Variants in SIPA1L1 observed in about 807,000 individuals in gnomAD.
SIPA1L1 encodes the protein signal-induced proliferation-associated 1-like protein 1.
A neutral mutation model predicts 162.7 loss-of-function variants in SIPA1L1; 26 were observed. The ratio of observed to expected loss-of-function variants is 0.16; its 90% CI spans 0.12 to 0.22. The LOEUF (loss-of-function observed/expected upper bound fraction) is 0.22, where lower values mean the gene tolerates loss of function less well. Among genes scored for constraint, SIPA1L1 ranks in the 10% least tolerant of loss-of-function variants. SIPA1L1 has a pLI of 1.00. For synonymous variants in SIPA1L1, 829 were observed against 837.4 expected (o/e 0.99, Z 0.17); for missense variants, 1,874 against 2,241.0 (o/e 0.84, Z 3.31).
chr14:71,582,268 A>G (rs2034035908), intron 4 of SIPA1L1, among the ~76,000 whole-genome samples: 1 of 152,096 alleles, frequency 6.6e-6, no homozygotes, highest in Admixed American at 6.6e-5. Flanking sequence ...CTGGGAGTTC[A>G]AGGCTGCAGT....
intron 13 of SIPA1L1, among the ~76,000 whole-genome samples, chr14:71,690,622 T>C (rs2081188828): frequency 6.6e-6 from 1 of 150,462 alleles, no homozygotes; most frequent in Admixed American, 6.6e-5. Context: ...ACTCCCTCCT[T>C]CTTCAAATTA....
At chr14:71,458,571 A>G (rs1488024329) in intron 2 of SIPA1L1, among the ~76,000 whole-genome samples, 1 of 152,202 alleles carries the variant, frequency 6.6e-6, no homozygotes, top group Non-Finnish European at 1.5e-5. Context: ...TTTATCAGGT[A>G]GAGATATTAT....
chr14:71,658,777 TTCATC>T, intron 9 of SIPA1L1, among the ~76,000 whole-genome samples: 1 of 152,306 alleles, frequency 6.6e-6, no homozygotes, highest in South Asian at 2.1e-4. Context: ...TGGGTGAAGT[TTCATC>T]TCAAGAGGTC....
chr14:71,446,554 C>T (rs978203201), intron 2 of SIPA1L1, among the ~76,000 whole-genome samples: 2 of 152,088 alleles, frequency 1.3e-5, no homozygotes, highest in African/African-American at 2.4e-5. Flanking sequence ...GGCGACAGAG[C>T]GAGACACTGT....
In SIPA1L1 at chr14:71,602,714, A is replaced by C. The variant is rs140261094; in HGVS notation, c.1498+13344A>C. 3.4e-3 allele frequency among the ~76,000 whole-genome samples: 524 copies of C among 152,370 alleles called. 5 individuals carry two copies. Among genetic ancestry groups the C allele is most frequent in the African/African-American group, 0.012 (489 of 41,594 alleles). ...ACTGGTCTGTGGCCTGTTAGGAACC[A>C]GGCTGCGCAGCAGGAGGTGAGCAGC... is the stretch of plus-strand genomic sequence containing the variant. On this transcript the variant is annotated intron_variant, in intron 5 of 23. Transcript: ENST00000381232.
chr14:71,590,047 ATATATATATAT>A (rs2035169811), intron 5 of SIPA1L1, among the ~76,000 whole-genome samples: 1 of 47,084 alleles, frequency 2.1e-5, no homozygotes, highest in African/African-American at 8.7e-5. Flanking sequence ...AAAAAAAAAT[ATATATATATAT>A]ATATATATAT....
intron 12 of SIPA1L1, among the ~76,000 whole-genome samples, chr14:71,682,920 G>A (rs1022772962): frequency 2.6e-5 from 4 of 152,234 alleles, no homozygotes; most frequent in Non-Finnish European, 4.4e-5. Flanking sequence ...TTGGGAGACC[G>A]AGGCAGGTAC....
At chr14:71,420,786 T>C (rs12878009) in intron 2 of SIPA1L1, among the ~76,000 whole-genome samples, 62,012 of 151,938 alleles carry the variant, frequency 0.41, 13,477 homozygotes, top group Admixed American at 0.5. Flanking sequence ...TATAAATACT[T>C]CAGTCATTTT....
intron 2 of SIPA1L1, among the ~76,000 whole-genome samples, chr14:71,371,641 C>A (rs779910844): frequency 1.3e-5 from 2 of 152,162 alleles, no homozygotes; most frequent in South Asian, 4.1e-4. Context: ...CTCAAGTGAT[C>A]CACCTGCCTC....
chr14:71,565,509 A>C (rs117280443), intron 4 of SIPA1L1, among the ~76,000 whole-genome samples: 210 of 152,350 alleles, frequency 1.4e-3, no homozygotes, highest in Non-Finnish European at 2.5e-3. Flanking sequence ...AAAGTATAAT[A>C]TCTTTTCCAC....
At chr14:71,506,953 C>A (rs1335910405) in intron 2 of SIPA1L1, among the ~76,000 whole-genome samples, 3 of 152,014 alleles carry the variant, frequency 2.0e-5, no homozygotes, top group Non-Finnish European at 4.4e-5. Flanking sequence ...CGTGAGCTAC[C>A]TTGCCTGGCC....
At chr14:71,479,937 C>T (rs768063866) in intron 2 of SIPA1L1, among the ~76,000 whole-genome samples, 59 of 151,914 alleles carry the variant, frequency 3.9e-4, no homozygotes, top group Admixed American at 7.2e-4. Context: ...CAAGCCCTTA[C>T]TATATTGTCC....
intron 5 of SIPA1L1, among the ~76,000 whole-genome samples, chr14:71,617,717 T>C (rs1567322347): frequency 6.6e-6 from 1 of 152,260 alleles, no homozygotes. Context: ...CAAATGTGTA[T>C]GCATTTTGTG....
intron 2 of SIPA1L1, chr14:71,330,366 A>G: frequency 1.1e-6 from 1 of 935,690 alleles, no homozygotes; most frequent in South Asian, 1.3e-5. Flanking sequence ...TTTGGCGATG[A>G]AAATTGTAGG....
chr14:71,544,288 T>C (rs776762791), intron 4 of SIPA1L1, among the ~76,000 whole-genome samples: 14 of 107,544 alleles, frequency 1.3e-4, no homozygotes, highest in South Asian at 1.1e-3. Flanking sequence ...TATGTGTATA[T>C]ACATATATAT....
intron 2 of SIPA1L1, among the ~76,000 whole-genome samples, chr14:71,326,603 A>G (rs562835941): frequency 1.8e-4 from 28 of 152,120 alleles, no homozygotes; most frequent in South Asian, 6.2e-4. Context: ...TCGTGTTCCT[A>G]TAATCAAGAC....
intron 4 of SIPA1L1, among the ~76,000 whole-genome samples, chr14:71,559,431 G>A (rs944322341): frequency 2.6e-5 from 4 of 152,040 alleles, no homozygotes; most frequent in Admixed American, 1.3e-4. Context: ...CTTAATAATA[G>A]GTACTTTTTA....
At chr14:71,459,171 A>G (rs1212349444) in intron 2 of SIPA1L1, among the ~76,000 whole-genome samples, 1 of 152,168 alleles carries the variant, frequency 6.6e-6, no homozygotes, top group Non-Finnish European at 1.5e-5. Context: ...TATTTCTCAC[A>G]AGATCCCCAT....
Position 71,510,592 on chromosome 14 carries a change from C to T in SIPA1L1, c.-464-2151C>T, listed in dbSNP as rs1474613098. On this transcript the variant is annotated intron_variant, in intron 2 of 23. Transcript: ENST00000381232. ...TTATCTGGCATAGAATGTTTTTGCCCTATTGTTTTGCCTGGGAATTATTGC... is the reference window on the plus strand; with the variant it reads ...TTATCTGGCATAGAATGTTTTTGCCTTATTGTTTTGCCTGGGAATTATTGC... Among the ~76,000 whole-genome samples, 6 of 152,072 alleles carry T rather than the reference C, an allele frequency of 3.9e-5. No homozygotes were observed. In the East Asian group the frequency reaches 9.6e-4, roughly 24 times the overall value.
Sources: allele counts gnomAD v4.1 joint callset (sites outside exome capture counted in the v4.1 genomes callset), GRCh38; gene constraint gnomAD v4.1.1; transcripts MANE v1.5; gene names NCBI Gene and HGNC (gene_info 2026-07-23, HGNC 2026-07-21).